The following MTAP variants were observed in gnomAD, a reference collection of about 807,000 sequenced individuals.
MTAP encodes S-methyl-5'-thioadenosine phosphorylase.
MTAP carries 33 observed loss-of-function variants against 33.6 expected under a neutral mutation model. The observed-to-expected ratio is 0.98, with a 90% CI of 0.74 to 1.31. The LOEUF (loss-of-function observed/expected upper bound fraction) is 1.31. MTAP is among the 40% of genes most tolerant of loss of function. The pLI is 0.00. For missense variants in MTAP, 367 were observed against 360.0 expected (o/e 1.02, Z -0.16); for synonymous variants, 148 against 125.7 (o/e 1.18, Z -1.19).
intron 1 of MTAP, among the ~76,000 whole-genome samples, chr9:21,807,519 T>C (rs577515943): frequency 6.6e-6 from 1 of 152,292 alleles, no homozygotes; most frequent in South Asian, 2.1e-4. Flanking sequence ...GTCCCAAGCA[T>C]TGCAGGACAT....
chr9:21,922,863 C>A lies in MTAP; in HGVS notation c.148-8145C>A, dbSNP rs1019197198. Among the ~76,000 whole-genome samples, 4 of 152,178 alleles carry A rather than the reference C, an allele frequency of 2.6e-5. No individual in the cohort carries two copies. Among genetic ancestry groups the A allele is most frequent in the Admixed American group, 6.5e-5 (1 of 15,280 alleles). ...GTAGACCTGAAATACTAATGGCCCT[C>A]CTAGACAGGAGGCTCATGAGAGTGG... On this transcript the variant is annotated intron_variant, in intron 1 of 1. Coordinates refer to the MTAP transcript ENST00000577563. The surrounding 1 kb of genome is among the most constrained non-coding windows in gnomAD (Gnocchi z 4.8).
In MTAP at chr9:21,874,795, C is replaced by T. The variant is rs372258672; in HGVS notation, c.147+19925C>T. Among the ~76,000 whole-genome samples the T allele has an allele frequency of 2.6e-5, 4 of 151,262 alleles. No individual in the cohort carries two copies. The South Asian group carries it at 8.3e-4, about 32-fold the overall frequency. On this transcript the variant is annotated intron_variant, in intron 1 of 1. Coordinates refer to the MTAP transcript ENST00000577563. ...CATGTGCCGTGGTAGTTTGCTGTAA[C>T]CATCAACCCGTCATCTACATTAGGT...
chr9:21,857,876 CA>C (rs1825673977), intron 6 of MTAP, among the ~76,000 whole-genome samples: 1 of 152,152 alleles, frequency 6.6e-6, no homozygotes, highest in African/African-American at 2.4e-5. Context: ...TTGAGTTTCC[CA>C]CAGTCTGAAT....
At chr9:21,885,776 CATG>C (rs1232383137) in intron 1 of MTAP, among the ~76,000 whole-genome samples, 2 of 119,974 alleles carry the variant, frequency 1.7e-5, no homozygotes, top group Non-Finnish European at 1.7e-5. Context: ...GGTAGTATTA[CATG>C]GTGTGTGTGT....
At chr9:21,899,124 A>G (rs1484259184) in intron 1 of MTAP, among the ~76,000 whole-genome samples, 7 of 151,458 alleles carry the variant, frequency 4.6e-5, no homozygotes, top group Non-Finnish European at 1.0e-4. Context: ...TCAGCAAACT[A>G]TCCCAAGGAC....
intron 5 of MTAP, among the ~76,000 whole-genome samples, chr9:21,838,418 T>G (rs1825161992): frequency 6.6e-6 from 1 of 152,216 alleles, no homozygotes; most frequent in Admixed American, 6.5e-5. Context: ...ACTTCTAAAA[T>G]GAAGATAATT....
At chr9:21,815,589 T>TGA in intron 2 of MTAP, 70 bp downstream of exon 2, 1 of 647,548 alleles carries the variant, frequency 1.5e-6, no homozygotes, top group African/African-American at 6.6e-5. Flanking sequence ...GATTTTTGAA[T>TGA]TAAAAAAAAA....
rs139815499 is a variant in MTAP, at chr9:21,859,318, G to A, written c.706G>A (p.Val236Ile). 20 of 1,611,780 alleles carry A rather than the reference G, an allele frequency of 1.2e-5. No individual in the cohort carries two copies. In the Admixed American group the frequency reaches 2.2e-4, roughly 18 times the overall value. Reference sequence around the variant, plus strand: ...GTTTCTCTAGGTTTCGGTGGACCGGGTCTTAAAGACCCTGAAAGAAAACGC... The same window carrying A: ...GTTTCTCTAGGTTTCGGTGGACCGGATCTTAAAGACCCTGAAAGAAAACGC... The part of the protein sequence containing the change: ...EHEEAVSVDR[V>I]LKTLKENANK... The change falls in exon 7 of 8, where the codon GTC (valine) becomes ATC (isoleucine). Residue 236 changes from valine (V) to isoleucine (I), a missense_variant. Transcript: ENST00000644715.
rs556985379 is a variant in MTAP, at chr9:21,904,041, C to T, written c.148-26967C>T. 2.6e-5 allele frequency among the ~76,000 whole-genome samples: 4 copies of T among 152,284 alleles called. No homozygotes were observed. In the East Asian group the frequency reaches 7.7e-4, roughly 29 times the overall value. On this transcript the variant is annotated intron_variant, in intron 1 of 1. Coordinates refer to the MTAP transcript ENST00000577563. ...AAGTAGCTCTCAGCAGATGGGGGAG[C>T]CAGAAAGGAGAATGGTTTTCCCCTT...
At chr9:21,835,849 T>C (rs1026850765) in intron 4 of MTAP, among the ~76,000 whole-genome samples, 14 of 152,220 alleles carry the variant, frequency 9.2e-5, no homozygotes, top group Admixed American at 6.5e-4. Flanking sequence ...GATCATTAAA[T>C]GTTTCAATAC....
At chr9:21,859,648 TTTA>T in intron 7 of MTAP, 1 of 418,830 alleles carries the variant, frequency 2.4e-6, no homozygotes, top group Non-Finnish European at 4.2e-6. Flanking sequence ...TTGAGAGAGT[TTTA>T]TTATCTCGTG....
chr9:21,939,828 A>G (rs549490291), downstream of MTAP, among the ~76,000 whole-genome samples: 7 of 152,254 alleles, frequency 4.6e-5, no homozygotes, highest in African/African-American at 1.7e-4. Context: ...GGCTGAAGTG[A>G]TCTGAGATTG....
At chr9:21,805,989 C>T (rs563668037) in intron 1 of MTAP, among the ~76,000 whole-genome samples, 2 of 152,270 alleles carry the variant, frequency 1.3e-5, no homozygotes, top group East Asian at 1.9e-4. Flanking sequence ...GAATGGAAAT[C>T]ACGGATGCAC....
At chr9:21,883,481 C>A (rs942936417) in intron 1 of MTAP, among the ~76,000 whole-genome samples, 3 of 151,910 alleles carry the variant, frequency 2.0e-5, no homozygotes, top group African/African-American at 7.3e-5. Context: ...CATTATCCAA[C>A]TAAATTGAAG....
chr9:21,921,556 G>A (rs760294772), intron 1 of MTAP, among the ~76,000 whole-genome samples: 16 of 152,158 alleles, frequency 1.1e-4, no homozygotes, highest in Non-Finnish European at 1.5e-4. Flanking sequence ...AGACAAAACT[G>A]TTCATTTATG....
rs148002128 is a variant in MTAP, at chr9:21,877,548, T to C, written c.147+22678T>C. Among the ~76,000 whole-genome samples the C allele has an allele frequency of 8.9e-3, 1,356 of 152,256 alleles. 13 individuals are homozygous for C. The highest frequency in any genetic ancestry group is 0.031 in the African/African-American group (1,293 of 41,540). On this transcript the variant is annotated intron_variant, in intron 1 of 1. Transcript: ENST00000577563. ...GTATGTTCCTTCAATACCTAGTTGATTGAGAGTTTTTAACATGAAGTGATG... is the reference window on the plus strand; with the variant it reads ...GTATGTTCCTTCAATACCTAGTTGACTGAGAGTTTTTAACATGAAGTGATG...
intron 1 of MTAP, chr9:21,808,700 G>A (rs1348112392): frequency 6.6e-6 from 1 of 152,096 alleles, no homozygotes; most frequent in Admixed American, 6.6e-5. Context: ...ATGTGTATCG[G>A]GCTGGTTCCT....
At chr9:21,909,172 A>G (rs1046551725) in intron 1 of MTAP, among the ~76,000 whole-genome samples, 2 of 152,050 alleles carry the variant, frequency 1.3e-5, no homozygotes, top group Non-Finnish European at 2.9e-5. Context: ...GCTAGTGACA[A>G]ATTATCTTAG....
intron 4 of MTAP, 87 bp downstream of exon 4, chr9:21,818,289 T>A: frequency 1.3e-6 from 1 of 781,154 alleles, no homozygotes; most frequent in Non-Finnish European, 2.0e-6. Context: ...GCAGGGCAAC[T>A]GGGAGGGCAG....
Sources: gnomAD v4.1 joint callset for allele counts (sites outside exome capture counted in the v4.1 genomes callset) on GRCh38, gnomAD v4.1.1 for gene constraint, Gnocchi (gnomAD v3.1) non-coding constraint, MANE v1.5 for transcripts, NCBI Gene and HGNC (gene_info 2026-07-23, HGNC 2026-07-21) for gene names.